The following SOS1 variants were observed in gnomAD, a reference collection of about 807,000 sequenced individuals.
The protein encoded by SOS1 is SOS Ras/Rac guanine nucleotide exchange factor 1.
A neutral mutation model predicts 157.6 loss-of-function variants in SOS1; 25 were observed. The observed-to-expected ratio is 0.16, with a 90% confidence interval of 0.12 to 0.22. The LOEUF is 0.22. Ranked by LOEUF, SOS1 falls within the 10% of genes least tolerant of loss-of-function variation. The pLI is 1.00. For missense variants in SOS1, 1,237 were observed against 1,599.1 expected (o/e 0.77, Z 3.86); for synonymous variants, 528 against 534.0 (o/e 0.99, Z 0.16).
Position 39,067,675 on chromosome 2 carries a change from A to G in SOS1, c.166T>C (p.Leu56=). 1 of 1,613,188 alleles carries G rather than the reference A, an allele frequency of 6.2e-7. No homozygotes were observed. Among genetic ancestry groups the G allele is most frequent in the Non-Finnish European group, 8.5e-7 (1 of 1,179,144 alleles). ...QYVEELILQL[L]NMLCQAQPRS... is the part of the protein sequence containing the mutation. ...GGCTGAGCTTGGCATAGCATATTTA[A>G]TAATTGCAAAATTAATTCTTCAACA... The change falls in exon 2 of 23, where the codon TTA becomes CTA. Residue 56 remains leucine (L), a synonymous_variant. Transcript: ENST00000402219.
intron 1 of SOS1, among the ~76,000 whole-genome samples, chr2:39,099,210 A>G (rs945768959): frequency 1.9e-4 from 29 of 152,236 alleles, no homozygotes; most frequent in African/African-American, 6.8e-4. Flanking sequence ...ATGTTCATCT[A>G]TTGATGAATG....
intron 1 of SOS1, among the ~76,000 whole-genome samples, chr2:39,068,853 T>C (rs1314967974): frequency 6.6e-6 from 1 of 152,054 alleles, no homozygotes; most frequent in Non-Finnish European, 1.5e-5. Flanking sequence ...CCTCCCTAAA[T>C]AAATGGCAAG....
intron 1 of SOS1, among the ~76,000 whole-genome samples, chr2:39,072,275 G>A (rs1671819142): frequency 6.6e-6 from 1 of 152,086 alleles, no homozygotes; most frequent in African/African-American, 2.4e-5. Context: ...AGGGCTTTAT[G>A]TACTTATAAT....
At chr2:39,106,447 C>T (rs956622741) in intron 1 of SOS1, among the ~76,000 whole-genome samples, 6 of 151,300 alleles carry the variant, frequency 4.0e-5, no homozygotes, top group Admixed American at 2.0e-4. Context: ...AAAAATTAGC[C>T]GGGCGTAGTG....
intron 1 of SOS1, among the ~76,000 whole-genome samples, chr2:39,084,315 ACT>A (rs900144193): frequency 6.6e-6 from 1 of 152,110 alleles, no homozygotes; most frequent in Non-Finnish European, 1.5e-5. Context: ...AAGTGAGAAA[ACT>A]CATTAAAAAA....
intron 8 of SOS1, among the ~76,000 whole-genome samples, chr2:39,029,800 A>G (rs1400400357): frequency 6.6e-6 from 1 of 152,194 alleles, no homozygotes; most frequent in Non-Finnish European, 1.5e-5. Flanking sequence ...TGTAGCTTTG[A>G]GCCGATGGTT....
chr2:39,086,760 G>A (rs937526923), intron 1 of SOS1, among the ~76,000 whole-genome samples: 6 of 152,120 alleles, frequency 3.9e-5, no homozygotes, highest in Non-Finnish European at 8.8e-5. Flanking sequence ...CTGACTCCTG[G>A]GCTCAACTGT....
At chr2:39,016,785 C>G (rs568528374) in intron 10 of SOS1, among the ~76,000 whole-genome samples, 10 of 152,112 alleles carry the variant, frequency 6.6e-5, no homozygotes, top group Admixed American at 3.3e-4. Flanking sequence ...TCTCAAATGC[C>G]ATGAAAATCA....
At chr2:39,067,472 T>C (rs1320500168) in intron 2 of SOS1, among the ~76,000 whole-genome samples, 156 bp downstream of exon 2, 2 of 152,182 alleles carry the variant, frequency 1.3e-5, no homozygotes, top group Non-Finnish European at 2.9e-5. Context: ...CCAAGCATTC[T>C]GGATAAGGGA....
chr2:39,074,073 G>C (rs993324024), intron 1 of SOS1, among the ~76,000 whole-genome samples: 1 of 151,942 alleles, frequency 6.6e-6, no homozygotes, highest in Non-Finnish European at 1.5e-5. Flanking sequence ...GCCTGGGCTG[G>C]GCGCGGTGGC....
intron 1 of SOS1, among the ~76,000 whole-genome samples, chr2:39,118,843 C>A (rs1426003007): frequency 6.6e-6 from 1 of 152,222 alleles, no homozygotes. Flanking sequence ...TCAGCAAGGG[C>A]CACCAGTGTG....
chr2:39,122,763 C>T (rs1002116653), upstream of SOS1, among the ~76,000 whole-genome samples: 5 of 151,974 alleles, frequency 3.3e-5, no homozygotes, highest in African/African-American at 9.7e-5. Context: ...CCAGGCTGGT[C>T]TCGAACTCCT....
At chr2:39,003,555 G>A (rs1011286042) in intron 17 of SOS1, among the ~76,000 whole-genome samples, 3 of 151,740 alleles carry the variant, frequency 2.0e-5, no homozygotes, top group Non-Finnish European at 4.4e-5. Context: ...GAAAACCCAA[G>A]GAAATTAAAA....
intron 21 of SOS1, among the ~76,000 whole-genome samples, chr2:38,988,767 A>T (rs1310761483): frequency 6.6e-6 from 1 of 152,118 alleles, no homozygotes; most frequent in African/African-American, 2.4e-5. Context: ...TTAAAATGGA[A>T]CTTTATTTTG....
chr2:39,024,112 T>C lies in SOS1; in HGVS notation c.1100A>G (p.Gln367Arg). 3.1e-6 allele frequency: 5 copies of C among 1,611,016 alleles called. No homozygotes were observed. The highest frequency in any genetic ancestry group is 4.2e-6 in the Non-Finnish European group (5 of 1,177,406). Residue 367 changes from glutamine to arginine, a missense_variant, in exon 9 of 23, where the codon CAA becomes CGA. Around this residue, in one of 15 missense-constraint regions of SOS1, gnomAD observed 101 missense variants for 171.5 expected, o/e 0.59. Transcript: ENST00000402219. ...LKQLEEKSED[Q>R]EDKECLKQAI... is the part of the protein sequence containing the mutation. Reference sequence around the variant, plus strand: ...TTGTTTTAAACATTCCTTGTCTTCTTGATCTTCACTTTTTTCTTCTAACTG... The same window carrying C: ...TTGTTTTAAACATTCCTTGTCTTCTCGATCTTCACTTTTTTCTTCTAACTG...
rs559961729 is a variant in SOS1 at position 39,028,554 on chromosome 2, T to G, written c.1075-4417A>C. ...ATACAACGAAGGAACTACCATTTAC[T>G]TGAAGGCACTAACAGGCAGGTACTA... On this transcript the variant is annotated intron_variant, in intron 8 of 22. Transcript: ENST00000402219. 1.1e-3 allele frequency among the ~76,000 whole-genome samples: 170 copies of G among 152,330 alleles called. 1 individual carries two copies. The highest frequency in any genetic ancestry group is 1.3e-4 in the Non-Finnish European group (9 of 68,018).
At chr2:39,088,753 T>C (rs1672472119) in intron 1 of SOS1, among the ~76,000 whole-genome samples, 1 of 152,212 alleles carries the variant, frequency 6.6e-6, no homozygotes, top group Non-Finnish European at 1.5e-5. Context: ...TTTCTACCTT[T>C]TGGCTATTGT....
intron 1 of SOS1, among the ~76,000 whole-genome samples, chr2:39,094,209 A>G (rs1328629999): frequency 6.6e-6 from 1 of 152,066 alleles, no homozygotes; most frequent in African/African-American, 2.4e-5. Context: ...TTATCTTAAT[A>G]TTAAAAATGT....
At position 39,007,824 on chromosome 2, in the gene SOS1, A is replaced by C. The variant is rs116671343; in HGVS notation, c.2511-631T>G. Among the ~76,000 whole-genome samples the C allele has an allele frequency of 4.2e-3, 638 of 152,156 alleles. 8 individuals are homozygous for C. The highest frequency in any genetic ancestry group is 0.015 in the African/African-American group (603 of 41,508). ...AATTATTAAAACACACATACACACA[A>C]ACACACACATGCACACGCACACACA... On this transcript the variant is annotated intron_variant, in intron 15 of 22. Coordinates refer to ENST00000402219, the MANE Select transcript of SOS1 (RefSeq NM_005633.4).
Sources: gnomAD v4.1 joint callset for allele counts (sites outside exome capture counted in the v4.1 genomes callset) on GRCh38, gnomAD v4.1.1 for gene constraint, gnomAD v4.1.1 regional missense constraint, MANE v1.5 for transcripts, NCBI Gene and HGNC (gene_info 2026-07-23, HGNC 2026-07-21) for gene names.